The following PDE1C variants were observed in gnomAD, a reference collection of about 807,000 sequenced individuals.
The protein encoded by PDE1C is dual specificity calcium/calmodulin-dependent 3',5'-cyclic nucleotide phosphodiesterase 1C.
In PDE1C, 62 loss-of-function variants were observed where a neutral mutation model predicts 93.1. The observed-to-expected ratio is 0.67, with a 90% CI of 0.54 to 0.82. The LOEUF is 0.82. PDE1C is among the 40% of genes least tolerant of loss of function. The pLI, the probability that PDE1C is intolerant of heterozygous loss-of-function variation, is 0.00. For missense variants in PDE1C, 742 were observed against 884.6 expected, an observed-to-expected ratio of 0.84 and a Z score of 2.04; for synonymous variants, 325 against 310.1, an observed-to-expected ratio of 1.05 and a Z score of -0.50.
At chr7:32,039,677 G>C (rs1157504771) in intron 2 of PDE1C, among the ~76,000 whole-genome samples, 1 of 152,044 alleles carries the variant, frequency 6.6e-6, no homozygotes, top group Non-Finnish European at 1.5e-5. Flanking sequence ...GTGTTGTCAG[G>C]GTATACTAAG....
rs1208953465 is a variant in PDE1C at position 32,209,547 on chromosome 7, A to G, written c.86-8T>C. On this transcript the variant is annotated splice_region_variant and splice_polypyrimidine_tract_variant and intron_variant, in intron 1 of 18. Transcript: ENST00000396193. ...CTCCAGCTTCATTTGCAACTAGAAAAAAAAAAGAGGATGCAATTTAAATAA... is the reference window on the plus strand; with the variant it reads ...CTCCAGCTTCATTTGCAACTAGAAAGAAAAAAGAGGATGCAATTTAAATAA... 1.3e-5 allele frequency: 21 copies of G among 1,556,464 alleles called. No individual in the cohort carries two copies. In the East Asian group the frequency reaches 5.0e-4, roughly 37 times the overall value.
chr7:31,708,450 T>C, the PDE1C span: 7 of 152,252 alleles, frequency 4.6e-5, no homozygotes, highest in Non-Finnish European at 8.8e-5. Context: ...AAGCTACATC[T>C]ATCCACATCT....
intron 16 of PDE1C, among the ~76,000 whole-genome samples, chr7:31,796,248 ATATCATATTG>A (rs560667893): frequency 9.5e-4 from 144 of 151,244 alleles, no homozygotes; most frequent in African/African-American, 3.2e-3. Flanking sequence ...TATATCAGAT[ATATCATATTG>A]TATCATATAT....
chr7:32,039,080 T>C (rs1170968263), intron 2 of PDE1C, among the ~76,000 whole-genome samples: 2 of 152,100 alleles, frequency 1.3e-5, no homozygotes, highest in African/African-American at 4.8e-5. Flanking sequence ...AGTATTATAT[T>C]GTTATTATTA....
rs1207972839 is a variant in PDE1C at position 32,420,124 on chromosome 7, T to TATATATATATATACAC, written c.310+7697_310+7698insGTGTATATATATATAT. Among the ~76,000 whole-genome samples the TATATATATATATACAC allele has an allele frequency of 7.3e-3, 96 of 13,084 alleles. 12 individuals carry two copies. The highest frequency in any genetic ancestry group is 0.011 in the Non-Finnish European group (78 of 6,920). The allele number at this position is 13,084 out of a possible 152,430, so 8.6% of individuals were successfully genotyped here. A position where few individuals can be genotyped will look rare whatever the true frequency, so the allele number is the denominator to read the frequency against. The stretch of plus-strand genomic sequence containing the variant: ...ATATATATATATATATATATATATA[T>TATATATATATATACAC]ACACACACACACACACACACACACA... On this transcript the variant is annotated intron_variant, in intron 1 of 1. Coordinates refer to the PDE1C transcript ENST00000672256.
chr7:31,654,186 G>C, the PDE1C span, among the ~76,000 whole-genome samples: 1 of 152,206 alleles, frequency 6.6e-6, no homozygotes. Flanking sequence ...CCTGTGGAAG[G>C]CCTTGCTAAA....
intron 2 of PDE1C, among the ~76,000 whole-genome samples, chr7:32,188,794 T>G (rs1804043107): frequency 1.3e-5 from 2 of 152,166 alleles, no homozygotes; most frequent in Admixed American, 1.3e-4. Flanking sequence ...TTAATCATTC[T>G]GGAGTGCAAA....
chr7:32,280,759 G>A (rs1209793537), intron 1 of PDE1C, among the ~76,000 whole-genome samples: 12 of 152,252 alleles, frequency 7.9e-5, no homozygotes, highest in South Asian at 2.1e-4. Flanking sequence ...AAGCTGAGGC[G>A]GGAGGATTGC....
In PDE1C at chr7:32,420,145, A is replaced by ATGTG. The variant is rs1785374861; in HGVS notation, c.310+7676_310+7677insCACA. ...TATATACACACACACACACACACAC[A>ATGTG]CACACACACACACATATATATGTGT... On this transcript the variant is annotated intron_variant, in intron 1 of 1. Transcript: ENST00000672256. Among the ~76,000 whole-genome samples the ATGTG allele has an allele frequency of 9.9e-5, 6 of 60,526 alleles. 1 individual carries two copies. Among genetic ancestry groups the ATGTG allele is most frequent in the African/African-American group, 3.1e-4 (5 of 16,390 alleles). The allele number at this position is 60,526 out of a possible 152,430, so 39.7% of individuals were successfully genotyped here.
At chr7:31,819,572 T>A (rs527402080) in intron 14 of PDE1C, among the ~76,000 whole-genome samples, 2 of 152,174 alleles carry the variant, frequency 1.3e-5, no homozygotes, top group African/African-American at 4.8e-5. Flanking sequence ...TGTCAGACTG[T>A]CTGTGGTGTT....
chr7:32,193,293 G>T (rs1054293990), intron 2 of PDE1C, among the ~76,000 whole-genome samples: 1 of 152,086 alleles, frequency 6.6e-6, no homozygotes, highest in East Asian at 1.9e-4. Flanking sequence ...GGTTTTTGTA[G>T]ATCTTCCTTA....
chr7:32,079,726 T>C (rs1053867209), intron 3 of PDE1C, among the ~76,000 whole-genome samples: 3 of 152,352 alleles, frequency 2.0e-5, no homozygotes, highest in Middle Eastern at 3.4e-3. Flanking sequence ...GGCAGCTAGA[T>C]TGCAAGTGCA....
chr7:32,205,112 C>G (rs534139500), intron 2 of PDE1C, among the ~76,000 whole-genome samples: 16 of 152,306 alleles, frequency 1.1e-4, no homozygotes, highest in African/African-American at 3.4e-4. Context: ...ATAATGAATT[C>G]CAGGTTATCA....
At chr7:31,636,098 C>G in the PDE1C span, among the ~76,000 whole-genome samples, 1 of 152,084 alleles carries the variant, frequency 6.6e-6, no homozygotes, top group Non-Finnish European at 1.5e-5. Flanking sequence ...ATAAAACCAT[C>G]AGATCTCATG....
chr7:31,967,807 C>T (rs187223071), intron 2 of PDE1C, among the ~76,000 whole-genome samples: 2,714 of 152,226 alleles, frequency 0.018, 80 homozygotes, highest in African/African-American at 0.061. Flanking sequence ...GTTCAACATA[C>T]GCAAATCAAT....
At chr7:32,327,701 C>T (rs546253028) in intron 1 of PDE1C, among the ~76,000 whole-genome samples, 154 of 145,536 alleles carry the variant, frequency 1.1e-3, no homozygotes, top group Admixed American at 3.1e-3. Flanking sequence ...CCCCAGGAGG[C>T]GGAGGCTGCA....
At chr7:32,078,050 C>G in intron 3 of PDE1C, 1 of 984,968 alleles carries the variant, frequency 1.0e-6, no homozygotes, top group Middle Eastern at 5.2e-4. Context: ...CTTGGCTGTA[C>G]TAATGAAATT....
intron 1 of PDE1C, among the ~76,000 whole-genome samples, chr7:32,408,695 A>G (rs1785107061): frequency 6.6e-6 from 1 of 152,118 alleles, no homozygotes; most frequent in Non-Finnish European, 1.5e-5. Flanking sequence ...AGGCTGAGGC[A>G]GGAGAATCGC....
intron 1 of PDE1C, among the ~76,000 whole-genome samples, chr7:32,255,535 A>G (rs970753330): frequency 6.6e-6 from 1 of 152,190 alleles, no homozygotes; most frequent in African/African-American, 2.4e-5. Context: ...TGTCCCTGAG[A>G]ATATCTCAGG....
Sources: allele counts gnomAD v4.1 joint callset (sites outside exome capture counted in the v4.1 genomes callset), GRCh38; gene constraint gnomAD v4.1.1; transcripts MANE v1.5; gene names NCBI Gene and HGNC (gene_info 2026-07-23, HGNC 2026-07-21).